Variants in SH3TC1 observed in about 807,000 individuals in gnomAD.
SH3TC1 encodes SH3 domain and tetratricopeptide repeat-containing protein 1.
Under a neutral mutation model 117.3 loss-of-function variants are expected in SH3TC1, and 135 were observed. The ratio of observed to expected loss-of-function variants is 1.15; its 90% confidence interval spans 1.00 to 1.33. The LOEUF (loss-of-function observed/expected upper bound fraction) is 1.33. Ranked by LOEUF, SH3TC1 falls within the 40% of genes most tolerant of loss-of-function variation. The probability of loss-of-function intolerance (pLI) is 0.00; values close to 1 mark genes in which losing one functional copy is unlikely to be tolerated. For synonymous variants in SH3TC1, 898 were observed against 816.9 expected, an observed-to-expected ratio of 1.10 and a Z score of -1.69; for missense variants, 2,092 against 1,794.3, an observed-to-expected ratio of 1.17 and a Z score of -3.00.
intron 1 of SH3TC1, among the ~76,000 whole-genome samples, chr4:8,194,178 C>T (rs889410694): frequency 1.3e-5 from 2 of 152,034 alleles, no homozygotes; most frequent in African/African-American, 4.8e-5. Context: ...TTAAAAGGGG[C>T]GGCGGGGGGT....
intron 9 of SH3TC1, among the ~76,000 whole-genome samples, chr4:8,220,303 C>T (rs962960474): frequency 6.6e-6 from 1 of 152,170 alleles, no homozygotes; most frequent in African/African-American, 2.4e-5. Context: ...CTCTGGGTGA[C>T]ACGTGTGTCC....
chr4:8,208,185 C>G (rs143582742), intron 2 of SH3TC1, among the ~76,000 whole-genome samples: 1 of 152,226 alleles, frequency 6.6e-6, no homozygotes, highest in African/African-American at 2.4e-5. Context: ...AGATCTTCTT[C>G]AGACAGGGAG....
intron 14 of SH3TC1, 118 bp downstream of exon 14, chr4:8,233,631 C>T (rs903940259): frequency 8.0e-5 from 99 of 1,242,258 alleles, no homozygotes; most frequent in Non-Finnish European, 1.0e-4. Context: ...CCTGTTCATC[C>T]TTCCTTCCAT....
At chr4:8,229,939 C>G (rs539317107) in intron 12 of SH3TC1, among the ~76,000 whole-genome samples, 2 of 150,114 alleles carry the variant, frequency 1.3e-5, no homozygotes, top group Non-Finnish European at 3.0e-5. Flanking sequence ...GTTGAACAGT[C>G]GAGGAGACCG....
In SH3TC1 at chr4:8,212,788, T is replaced by C; in HGVS notation, c.335T>C (p.Leu112Pro). ...CAGACCCTCCGGGGCCAGCTCCGCC[T>C]GCTGGAGAATGATAGCCGGGAGATG... The part of the protein sequence containing the change: ...LQQTLRGQLR[L>P]LENDSREMAR... Residue 112 changes from leucine (L) to proline (P), a missense_variant, in exon 4 of 18, where the codon CTG becomes CCG. Physicochemically the swap from Leu to Pro is moderately conservative, Grantham distance 98 (BLOSUM62 -3). Transcript: ENST00000245105. 1.2e-6 allele frequency: 2 copies of C among 1,607,778 alleles called. No individual in the cohort carries two copies. Among genetic ancestry groups the C allele is most frequent in the South Asian group, 1.1e-5 (1 of 89,882 alleles).
At chr4:8,228,767 C>T in intron 12 of SH3TC1, 123 bp downstream of exon 12, 1 of 868,312 alleles carries the variant, frequency 1.2e-6, no homozygotes, top group Non-Finnish European at 1.7e-6. Context: ...TCATGGCAAA[C>T]AGCAGATGTT....
intron 1 of SH3TC1, among the ~76,000 whole-genome samples, chr4:8,185,361 A>C (rs1717190535): frequency 6.6e-6 from 1 of 151,988 alleles, no homozygotes; most frequent in Non-Finnish European, 1.5e-5. Context: ...AAGCGCACAC[A>C]TTAAGGCTCC....
Position 8,186,163 on chromosome 4 carries a change from T to G in SH3TC1, c.-57+3953T>G, listed in dbSNP as rs898194668. On this transcript the variant is annotated intron_variant, in intron 1 of 16. Coordinates refer to the SH3TC1 transcript ENST00000508641. The surrounding 1 kb of genome is among the most constrained non-coding windows in gnomAD (Gnocchi z 5.2). ...CAAGCGGGGTTTAATTAACAGCAGC[T>G]GCTGGCGGAGGGGCTGGGGCCAGCC... Among the ~76,000 whole-genome samples, 1 of 152,212 alleles carries G rather than the reference T, an allele frequency of 6.6e-6. No individual in the cohort carries two copies. The highest frequency in any genetic ancestry group is 2.4e-5 in the African/African-American group (1 of 41,448).
At position 8,235,447 on chromosome 4, in the gene SH3TC1, G is replaced by A. The variant is rs368354347; in HGVS notation, c.3297G>A (p.Val1099=). ...CCTCCTTTCAGGTGGCACAGAACGTGGCCCTGTACACAGGCGACCCCAACC... is the reference window on the plus strand; with the variant it reads ...CCTCCTTTCAGGTGGCACAGAACGTAGCCCTGTACACAGGCGACCCCAACC... The part of the protein sequence containing the change: ...VDLYIQVAQN[V]ALYTGDPNLG... The change falls in exon 15 of 18, where the codon GTG becomes GTA. Residue 1099 remains valine (V), a synonymous_variant. Transcript: ENST00000245105. 87 of 1,554,894 alleles carry A rather than the reference G, an allele frequency of 5.6e-5. No individual in the cohort carries two copies. Among genetic ancestry groups the A allele is most frequent in the Non-Finnish European group, 7.5e-5 (86 of 1,147,526 alleles).
chr4:8,220,560 C>T (rs2152988024), intron 9 of SH3TC1, among the ~76,000 whole-genome samples: 1 of 152,266 alleles, frequency 6.6e-6, no homozygotes, highest in South Asian at 2.1e-4. Flanking sequence ...TCAGCTGTGC[C>T]CATCCTTTGA....
chr4:8,193,633 C>T (rs1208553644), intron 1 of SH3TC1, among the ~76,000 whole-genome samples: 2 of 152,226 alleles, frequency 1.3e-5, no homozygotes, highest in African/African-American at 4.8e-5. Context: ...TCAGTTTCCT[C>T]CACTTGTCTG....
chr4:8,228,419 T>A lies in SH3TC1; in HGVS notation c.2725T>A (p.Phe909Ile). 1 of 1,606,242 alleles carries A rather than the reference T, an allele frequency of 6.2e-7. No individual in the cohort carries two copies. The highest frequency in any genetic ancestry group is 8.5e-7 in the Non-Finnish European group (1 of 1,176,102). The change falls in exon 12 of 18, where the codon TTC (phenylalanine) becomes ATC (isoleucine). Residue 909 changes from phenylalanine to isoleucine, a missense_variant. Coordinates refer to ENST00000245105, the MANE Select transcript of SH3TC1 (RefSeq NM_018986.5). ...GAACCAGGCAGTGGGGCTGGCCAAC[T>A]TCGGGGCCCTGTGCCTGCATGCGGG... ...QRNQAVGLAN[F>I]GALCLHAGAS...
chr4:8,227,282 T>A lies in SH3TC1; in HGVS notation c.1588T>A (p.Phe530Ile), dbSNP rs372676473. 44 of 1,607,010 alleles carry A rather than the reference T, an allele frequency of 2.7e-5. No homozygotes were observed. The Admixed American group carries it at 3.7e-4, about 14-fold the overall frequency. The change falls in exon 12 of 18, where the codon TTC (phenylalanine) becomes ATC (isoleucine). Residue 530 changes from phenylalanine (F) to isoleucine (I), a missense_variant. Physicochemically the swap from Phe to Ile is conservative, Grantham distance 21. Coordinates refer to ENST00000245105, the MANE Select transcript of SH3TC1 (RefSeq NM_018986.5). ...GGCGCTGCCGTGGCTGAGCAGCGTG[T>A]TCCGCAGCTTCAGCGACGAGGAGGA... is the stretch of plus-strand genomic sequence containing the variant. ...DVALPWLSSVFRSFSDEEELT... is the reference protein window; with the variant it reads ...DVALPWLSSVIRSFSDEEELT...
intron 15 of SH3TC1, 112 bp from the exon 16 acceptor site, chr4:8,236,166 G>A: frequency 2.3e-6 from 3 of 1,323,294 alleles, no homozygotes; most frequent in Non-Finnish European, 3.0e-6. Context: ...CTGTGTCGAG[G>A]CCCAGGGGTA....
chr4:8,196,075 C>A (rs1045903307), upstream of SH3TC1, among the ~76,000 whole-genome samples: 1 of 152,236 alleles, frequency 6.6e-6, no homozygotes, highest in Non-Finnish European at 1.5e-5. This position sits in a 1 kb window ranked among gnomAD's most constrained non-coding sequence, Gnocchi z 4.6. Flanking sequence ...GCCAAGGCTG[C>A]GGAGAGGACC....
chr4:8,206,917 TCATCCTAAAAGGTGTCCATATTTC>T lies in SH3TC1; in HGVS notation c.172+1553_172+1576del, dbSNP rs1718258212. 6.6e-6 allele frequency among the ~76,000 whole-genome samples: 1 copy of T among 151,476 alleles called. No homozygotes were observed. Among genetic ancestry groups the T allele is most frequent in the African/African-American group, 2.4e-5 (1 of 41,220 alleles). ...AGTAAATTGCAGACATGATGCCCCT[TCATCCTAAAAGGTGTCCATATTTC>T]CTAAAACCAGTACATTCTCTTATAT... On this transcript the variant is annotated intron_variant, in intron 2 of 17. Coordinates refer to ENST00000245105, the MANE Select transcript of SH3TC1 (RefSeq NM_018986.5). This position sits in a 1 kb window ranked among gnomAD's most constrained non-coding sequence, Gnocchi z 5.5.
At chr4:8,237,290 G>A (rs1721904890) in intron 16 of SH3TC1, 184 bp from the exon 17 acceptor site, 1 of 515,084 alleles carries the variant, frequency 1.9e-6, no homozygotes, top group Non-Finnish European at 3.3e-6. Context: ...CCTCACGGTA[G>A]ATGGGGGCAG....
intron 12 of SH3TC1, among the ~76,000 whole-genome samples, chr4:8,230,782 G>GTTTTTTTT: frequency 1.3e-5 from 1 of 79,220 alleles, no homozygotes; most frequent in Non-Finnish European, 2.5e-5. Flanking sequence ...GATATGCTGT[G>GTTTTTTTT]CTTTTTTTTT....
Position 8,204,852 on chromosome 4 carries a change from T to G in SH3TC1, c.-28-315T>G, listed in dbSNP as rs1578653548. 4 of 221,272 alleles carry G rather than the reference T, an allele frequency of 1.8e-5. No individual in the cohort carries two copies. In the South Asian group the frequency reaches 6.7e-4, roughly 37 times the overall value. 13.7% of individuals were successfully genotyped at this position (221,272 alleles called of 1,614,324 possible). On this transcript the variant is annotated intron_variant, in intron 1 of 17. Transcript: ENST00000245105. ...GCCCAGCAAAGAGGCAGTGACCGGC[T>G]CCTGAGGAGGGGCACAAGGCACCCA...
Sources: allele counts gnomAD v4.1 joint callset (sites outside exome capture counted in the v4.1 genomes callset), GRCh38; gene constraint gnomAD v4.1.1; non-coding constraint Gnocchi (gnomAD v3.1); transcripts MANE v1.5; gene names NCBI Gene and HGNC (gene_info 2026-07-23, HGNC 2026-07-21).